Variants in ACSS3 observed in about 807,000 individuals in gnomAD.
ACSS3 encodes acyl-CoA synthetase short chain family member 3.
A neutral mutation model predicts 84.2 loss-of-function variants in ACSS3; 64 were observed. That is an observed-to-expected ratio of 0.76 (90% confidence interval 0.62 to 0.94). The LOEUF (loss-of-function observed/expected upper bound fraction) is 0.94. ACSS3 is among the 40% of genes least tolerant of loss of function. The pLI is 0.00. For synonymous variants in ACSS3, 317 were observed against 310.1 expected (o/e 1.02, Z -0.23); for missense variants, 815 against 867.6 (o/e 0.94, Z 0.76).
intron 13 of ACSS3, among the ~76,000 whole-genome samples, chr12:81,235,989 C>G (rs1373456400): frequency 6.6e-6 from 1 of 151,352 alleles, no homozygotes; most frequent in Non-Finnish European, 1.5e-5. Context: ...TTGGAACTGG[C>G]TAGAACTTGG....
At chr12:81,080,110 G>T (rs184762839) in intron 1 of ACSS3, among the ~76,000 whole-genome samples, 1 of 152,200 alleles carries the variant, frequency 6.6e-6, no homozygotes, top group Admixed American at 6.5e-5. Flanking sequence ...AATGTGCAGA[G>T]AATTCAGTTA....
chr12:81,242,053 A>T (rs1322661410), intron 13 of ACSS3, among the ~76,000 whole-genome samples: 3 of 152,114 alleles, frequency 2.0e-5, no homozygotes, highest in Non-Finnish European at 4.4e-5. Flanking sequence ...CTTTCTACAT[A>T]TGGCTAGCCA....
At chr12:81,220,158 T>C in intron 11 of ACSS3, 82 bp downstream of exon 11, 4 of 717,686 alleles carry the variant, frequency 5.6e-6, no homozygotes, top group South Asian at 3.4e-5. Flanking sequence ...ATTGCAGTGT[T>C]ACTGCTACTG....
At chr12:81,111,033 G>T (rs528665398) in intron 2 of ACSS3, among the ~76,000 whole-genome samples, 1 of 152,140 alleles carries the variant, frequency 6.6e-6, no homozygotes, top group Non-Finnish European at 1.5e-5. Context: ...CCAGTCCTGA[G>T]TTGTTGCAAA....
At chr12:81,200,258 T>A (rs1233139771) in intron 9 of ACSS3, among the ~76,000 whole-genome samples, 3 of 152,184 alleles carry the variant, frequency 2.0e-5, no homozygotes, top group African/African-American at 7.2e-5. Context: ...TTTTAAAAAA[T>A]TTGACTCACT....
chr12:81,126,344 TTGTC>T (rs1276529163), intron 2 of ACSS3, among the ~76,000 whole-genome samples: 1 of 152,170 alleles, frequency 6.6e-6, no homozygotes, highest in African/African-American at 2.4e-5. Context: ...TAATTATTCT[TTGTC>T]TGTGTATTTT....
At chr12:81,254,348 G>A (rs893115616) in intron 15 of ACSS3, among the ~76,000 whole-genome samples, 1 of 152,180 alleles carries the variant, frequency 6.6e-6, no homozygotes, top group Non-Finnish European at 1.5e-5. Flanking sequence ...ATTAGTGAAT[G>A]AGAAAGCAAA....
intron 5 of ACSS3, among the ~76,000 whole-genome samples, chr12:81,146,896 G>A (rs1178625186): frequency 6.6e-6 from 1 of 151,942 alleles, no homozygotes. Context: ...TGTCAAAAGA[G>A]AACAGGGGGA....
chr12:81,091,176 G>A (rs1038295218), intron 1 of ACSS3, among the ~76,000 whole-genome samples: 3 of 151,914 alleles, frequency 2.0e-5, no homozygotes, highest in African/African-American at 7.2e-5. Context: ...TGGAAAAGTT[G>A]CCTCTTAGGC....
At chr12:81,087,944 T>C (rs1881425988) in intron 1 of ACSS3, among the ~76,000 whole-genome samples, 1 of 152,156 alleles carries the variant, frequency 6.6e-6, no homozygotes, top group South Asian at 2.1e-4. Flanking sequence ...GTCCAAATAA[T>C]TATAATACGG....
chr12:81,198,614 C>T (rs542636138), intron 8 of ACSS3, among the ~76,000 whole-genome samples: 1 of 150,542 alleles, frequency 6.6e-6, no homozygotes, highest in South Asian at 2.1e-4. Flanking sequence ...AACCCATAAA[C>T]ACCCATGCTC....
chr12:81,233,354 T>G lies in ACSS3; in HGVS notation c.1602T>G (p.Tyr534Ter). 6.2e-7 allele frequency: 1 copy of G among 1,610,342 alleles called. No individual in the cohort carries two copies. Reference protein sequence around the residue: ...KHLYFEKFPGYYDTMDAGYMD... With the variant: ...KHLYFEKFPG ...TTATTTTTTCTTGTTTTCAGGGATATTATGATACCATGGATGCTGGTTACA... is the reference window on the plus strand; with the variant it reads ...TTATTTTTTCTTGTTTTCAGGGATAGTATGATACCATGGATGCTGGTTACA... Residue 534 changes from tyrosine to a stop codon, truncating the protein, a stop_gained, in exon 13 of 16, where the codon TAT becomes TAG. Transcript: ENST00000548058. LOFTEE classifies it high-confidence loss of function.
At chr12:81,130,046 T>G (rs1593103644) in intron 2 of ACSS3, among the ~76,000 whole-genome samples, 1 of 152,342 alleles carries the variant, frequency 6.6e-6, no homozygotes, top group African/African-American at 2.4e-5. Flanking sequence ...TTGGGTTGGT[T>G]GTAAGTCTTT....
chr12:81,246,245 G>A (rs540894712), intron 13 of ACSS3, among the ~76,000 whole-genome samples: 1 of 152,248 alleles, frequency 6.6e-6, no homozygotes, highest in African/African-American at 2.4e-5. Flanking sequence ...ACATTTACTT[G>A]GTGTAAGGTG....
At chr12:81,249,995 G>C (rs2034099399) in intron 13 of ACSS3, among the ~76,000 whole-genome samples, 1 of 151,982 alleles carries the variant, frequency 6.6e-6, no homozygotes, top group Non-Finnish European at 1.5e-5. Flanking sequence ...GAATTTACTA[G>C]TCCTAATCTC....
At position 81,091,651 on chromosome 12, in the gene ACSS3, ATACTT is replaced by A. The variant is rs376007417; in HGVS notation, c.311+13223_311+13227del. Among the ~76,000 whole-genome samples the A allele has an allele frequency of 2.5e-4, 38 of 152,208 alleles. 1 individual carries two copies. In the South Asian group the frequency reaches 7.0e-3, roughly 28 times the overall value. On this transcript the variant is annotated intron_variant, in intron 1 of 15. Coordinates refer to ENST00000548058, the MANE Select transcript of ACSS3 (RefSeq NM_024560.4). ...TTTTCAAGTTTATCATTAGTAAAAA[ATACTT>A]TAATAAGGAGGGTTTTAAAAAATTA...
chr12:81,084,566 T>C (rs1454177804), intron 1 of ACSS3, among the ~76,000 whole-genome samples: 3 of 151,674 alleles, frequency 2.0e-5, no homozygotes, highest in Non-Finnish European at 4.4e-5. Context: ...GTATAAATCT[T>C]AAAGAGGTGA....
intron 7 of ACSS3, among the ~76,000 whole-genome samples, chr12:81,168,302 A>T (rs1285894703): frequency 6.6e-6 from 1 of 152,132 alleles, no homozygotes; most frequent in East Asian, 1.9e-4. Flanking sequence ...TTTAAGGAGC[A>T]TTTTGTGTTT....
chr12:81,226,006 T>G (rs1290623749), intron 11 of ACSS3, among the ~76,000 whole-genome samples: 1 of 151,908 alleles, frequency 6.6e-6, no homozygotes, highest in African/African-American at 2.4e-5. Flanking sequence ...GCCACTGACA[T>G]ATACATCTCC....
Sources: gnomAD v4.1 joint callset for allele counts (sites outside exome capture counted in the v4.1 genomes callset) on GRCh38, gnomAD v4.1.1 for gene constraint, MANE v1.5 for transcripts, NCBI Gene and HGNC (gene_info 2026-07-23, HGNC 2026-07-21) for gene names.